The following TBC1D16 variants were observed in gnomAD, a reference collection of about 807,000 sequenced individuals.
TBC1D16 encodes the protein CTD-2529O21.1.
A neutral mutation model predicts 74.7 loss-of-function variants in TBC1D16; 58 were observed. The observed-to-expected ratio is 0.78, with a 90% confidence interval of 0.63 to 0.97. TBC1D16 has a LOEUF of 0.97. Among genes scored for constraint, TBC1D16 ranks in the 50% least tolerant of loss-of-function variants. TBC1D16 has a pLI of 0.00. For synonymous variants in TBC1D16, 493 were observed against 474.7 expected, an observed-to-expected ratio of 1.04 and a Z score of -0.50; for missense variants, 1,014 against 1,079.5, an observed-to-expected ratio of 0.94 and a Z score of 0.85.
chr17:80,013,989 T>C (rs1472873912), intron 1 of TBC1D16, among the ~76,000 whole-genome samples: 4 of 151,806 alleles, frequency 2.6e-5, no homozygotes, highest in Admixed American at 6.6e-5. Flanking sequence ...AACGTTTTTT[T>C]CACAAAAAAA....
chr17:79,952,105 T>C (rs2033087499), intron 4 of TBC1D16: 1 of 155,522 alleles, frequency 6.4e-6, no homozygotes, highest in Non-Finnish European at 1.4e-5. Context: ...AATGTGGCTC[T>C]GGGTCTGGGA....
intron 3 of TBC1D16, among the ~76,000 whole-genome samples, chr17:80,005,321 C>A (rs2035634360): frequency 6.6e-6 from 1 of 152,190 alleles, no homozygotes; most frequent in Non-Finnish European, 1.5e-5. Flanking sequence ...TTATCCAGGT[C>A]ACCAATGCAC....
In TBC1D16 at chr17:79,950,067, C is replaced by A. The variant is rs1254955236; in HGVS notation, c.1258-202G>T. On this transcript the variant is annotated intron_variant, in intron 6 of 11. Coordinates refer to ENST00000310924, the MANE Select transcript of TBC1D16 (RefSeq NM_019020.4). The surrounding 1 kb of genome is among the most constrained non-coding windows in gnomAD (Gnocchi z 4.6). ...CCGGCTCATTTCAATGTCAATGCCC[C>A]CCCTGGGGTGGCGCTCAGATTAACG... Among the ~76,000 whole-genome samples, 5 of 152,216 alleles carry A rather than the reference C, an allele frequency of 3.3e-5. No individual in the cohort carries two copies. The highest frequency in any genetic ancestry group is 1.3e-4 in the Admixed American group (2 of 15,278).
Position 79,971,072 on chromosome 17 carries a change from G to A in TBC1D16, c.780-18254C>T, listed in dbSNP as rs1038367594. Among the ~76,000 whole-genome samples, 12 of 151,816 alleles carry A rather than the reference G, an allele frequency of 7.9e-5. No homozygotes were observed. In the East Asian group the frequency reaches 2.3e-3, roughly 29 times the overall value. ...GAGTCTGTCTCCATTGCCCAGGCTGGAGTGCAGTGGCGCTATCTCGGCTCA... is the reference window on the plus strand; with the variant it reads ...GAGTCTGTCTCCATTGCCCAGGCTGAAGTGCAGTGGCGCTATCTCGGCTCA... On this transcript the variant is annotated intron_variant, in intron 3 of 11. Transcript: ENST00000310924. The surrounding 1 kb of genome is among the most constrained non-coding windows in gnomAD (Gnocchi z 4.6).
intron 10 of TBC1D16, 63 bp from the exon 11 acceptor site, chr17:79,942,269 G>A (rs2032086095): frequency 2.0e-6 from 3 of 1,498,470 alleles, no homozygotes; most frequent in East Asian, 2.5e-5. Flanking sequence ...GCACTCAGGG[G>A]GAAACTGAGT....
At chr17:79,960,891 G>A (rs2362386) in intron 3 of TBC1D16, among the ~76,000 whole-genome samples, 1 of 141,176 alleles carries the variant, frequency 7.1e-6, no homozygotes, top group Non-Finnish European at 1.5e-5. Context: ...GAAGTCAAAT[G>A]ACAGAACCAC....
At position 79,944,983 on chromosome 17, in the gene TBC1D16, G is replaced by A; in HGVS notation, c.1833C>T (p.Leu611=). Residue 611 remains leucine (L), a synonymous_variant, in exon 10 of 12, where the codon CTC becomes CTT. Coordinates refer to ENST00000310924, the MANE Select transcript of TBC1D16 (RefSeq NM_019020.4). This position sits in a 1 kb window ranked among gnomAD's most constrained non-coding sequence, Gnocchi z 7.7. ...GLQMLFCHRW[L]LLCFKREFPE... The stretch of plus-strand genomic sequence containing the variant: ...GGAACTCCCGCTTGAAGCACAGAAG[G>A]AGCCAGCGGTGGCAGAAGAGCATCT... 6.4e-7 allele frequency: 1 copy of A among 1,566,776 alleles called. No homozygotes were observed. The highest frequency in any genetic ancestry group is 1.2e-5 in the South Asian group (1 of 85,160).
In TBC1D16 at chr17:79,975,017, A is replaced by C. The variant is rs933003517; in HGVS notation, c.780-22199T>G. On this transcript the variant is annotated intron_variant, in intron 3 of 11. Coordinates refer to ENST00000310924, the MANE Select transcript of TBC1D16 (RefSeq NM_019020.4). This position sits in a 1 kb window ranked among gnomAD's most constrained non-coding sequence, Gnocchi z 4.5. ...CGCAGCCACTGCGCCCTCTATAGGT[A>C]AGAAGGCCCAAGGAAGAAGCCCTCT... 3.3e-5 allele frequency among the ~76,000 whole-genome samples: 5 copies of C among 152,106 alleles called. No homozygotes were observed. Among genetic ancestry groups the C allele is most frequent in the Non-Finnish European group, 7.4e-5 (5 of 68,008 alleles).
intron 1 of TBC1D16, among the ~76,000 whole-genome samples, chr17:80,024,549 A>ACACAG (rs2036454555): frequency 2.1e-5 from 3 of 140,284 alleles, no homozygotes; most frequent in Admixed American, 7.0e-5. Flanking sequence ...CACCATATAC[A>ACACAG]CACACACCAC....
chr17:79,951,519 G>A lies in TBC1D16; in HGVS notation c.1020C>T (p.Gly340=), dbSNP rs377033034. The change falls in exon 5 of 12, where the codon GGC becomes GGT. Residue 340 remains glycine (G), a synonymous_variant. Transcript: ENST00000310924. ...SQYKVFHFHH[G]GLDKLSDVFQ... ...ACACGTCAGACAGCTTGTCCAGGCC[G>A]CCGTGGTGGAAGTGGAAAACCTTGT... 8.7e-6 allele frequency: 14 copies of A among 1,613,980 alleles called. No individual in the cohort carries two copies. The highest frequency in any genetic ancestry group is 4.0e-5 in the African/African-American group (3 of 74,906).
rs893821845 is a variant in TBC1D16 at position 79,980,114 on chromosome 17, A to G, written c.780-27296T>C. On this transcript the variant is annotated intron_variant, in intron 3 of 11. Transcript: ENST00000310924. This position sits in a 1 kb window ranked among gnomAD's most constrained non-coding sequence, Gnocchi z 7.0. ...TCTGGGCCTCCGAGCCTCCCAGCGC[A>G]TCCCACTGCTCTGCAGAAACAGAAT... 2.0e-5 allele frequency among the ~76,000 whole-genome samples: 3 copies of G among 152,170 alleles called. No individual in the cohort carries two copies. The East Asian group carries it at 5.8e-4, about 29-fold the overall frequency.
intron 7 of TBC1D16, 110 bp from the exon 8 acceptor site, chr17:79,949,116 G>A: frequency 7.5e-6 from 11 of 1,476,404 alleles, no homozygotes; most frequent in Non-Finnish European, 1.0e-5. Flanking sequence ...TTCCCTGGAC[G>A]GGAGCTGGGC....
rs756070071 is a variant in TBC1D16, at chr17:79,948,924, G to A, written c.1489C>T (p.Arg497Trp). 2 of 1,614,138 alleles carry A rather than the reference G, an allele frequency of 1.2e-6. No individual in the cohort carries two copies. Among genetic ancestry groups the A allele is most frequent in the African/African-American group, 1.3e-5 (1 of 75,044 alleles). ...TVDKDVVRTDRNNQFFRGEDN... is the reference protein window; with the variant it reads ...TVDKDVVRTDWNNQFFRGEDN... ...TCCCCCCGGAAGAACTGGTTGTTCC[G>A]ATCTGTCCGGACCACGTCTTTGTCC... Residue 497 changes from arginine to tryptophan, a missense_variant, in exon 8 of 12, where the codon CGG becomes TGG. By Grantham distance (101) the Arg-to-Trp change is moderately radical. Coordinates refer to ENST00000310924, the MANE Select transcript of TBC1D16 (RefSeq NM_019020.4).
intron 10 of TBC1D16, among the ~76,000 whole-genome samples, chr17:79,942,662 T>C (rs2032129142): frequency 1.3e-5 from 2 of 152,180 alleles, no homozygotes; most frequent in African/African-American, 4.8e-5. Flanking sequence ...GGTCATGGAA[T>C]GCGCCTCTGG....
At chr17:79,992,234 T>C (rs1172991362) in intron 3 of TBC1D16, 1 of 152,322 alleles carries the variant, frequency 6.6e-6, no homozygotes, top group Non-Finnish European at 1.5e-5. Context: ...GACCCCACAC[T>C]CCGCTGCTGT....
At chr17:79,999,085 A>G (rs1336906281) in intron 3 of TBC1D16, among the ~76,000 whole-genome samples, 1 of 151,986 alleles carries the variant, frequency 6.6e-6, no homozygotes, top group Non-Finnish European at 1.5e-5. Context: ...GCGAAACCCC[A>G]TCTCTAGTAA....
rs376719016 is a variant in TBC1D16 at position 79,964,725 on chromosome 17, T to C, written c.780-11907A>G. Among the ~76,000 whole-genome samples, 28 of 152,318 alleles carry C rather than the reference T, an allele frequency of 1.8e-4. 2 individuals carry two copies. The East Asian group carries it at 3.5e-3, about 19-fold the overall frequency. ...AGTACTATTGCTAAATTTTCAACCA[T>C]AGGAGAATATTTGAATATATTGTGG... On this transcript the variant is annotated intron_variant, in intron 3 of 11. Transcript: ENST00000310924.
chr17:79,934,926 C>T lies in TBC1D16; in HGVS notation c.*5933G>A, dbSNP rs544754051. Reference sequence around the variant, plus strand: ...GGCGCTTGATGAAGAGCTGGAGCTCCCCGCCCCCCGTGCTCCGGGAGGACC... The same window carrying T: ...GGCGCTTGATGAAGAGCTGGAGCTCTCCGCCCCCCGTGCTCCGGGAGGACC... On this transcript the variant is annotated 3_prime_UTR_variant, in exon 12 of 12. Transcript: ENST00000310924. The T allele has an allele frequency of 6.6e-6, 1 of 152,454 alleles. No individual in the cohort carries two copies. The highest frequency in any genetic ancestry group is 2.1e-4 in the South Asian group (1 of 4,832). 9.4% of individuals were successfully genotyped at this position (152,454 alleles called of 1,614,324 possible).
At position 79,971,031 on chromosome 17, in the gene TBC1D16, AT is replaced by A. The variant is rs142776613; in HGVS notation, c.780-18214del. Among the ~76,000 whole-genome samples, 102 of 111,152 alleles carry A rather than the reference AT, an allele frequency of 9.2e-4. No individual in the cohort carries two copies. The highest frequency in any genetic ancestry group is 3.6e-3 in the South Asian group (10 of 2,782). 72.9% of individuals were successfully genotyped at this position (111,152 alleles called of 152,430 possible). On this transcript the variant is annotated intron_variant, in intron 3 of 11. Coordinates refer to ENST00000310924, the MANE Select transcript of TBC1D16 (RefSeq NM_019020.4). The surrounding 1 kb of genome is among the most constrained non-coding windows in gnomAD (Gnocchi z 4.6). Reference sequence around the variant, plus strand: ...TACACTCCCTGTATTTTTATTTTTTATTTTTTTTTGAGATGGAGTCTGTCTC... The same window carrying A: ...TACACTCCCTGTATTTTTATTTTTTATTTTTTTTGAGATGGAGTCTGTCTC...
Sources: allele counts gnomAD v4.1 joint callset (sites outside exome capture counted in the v4.1 genomes callset), GRCh38; gene constraint gnomAD v4.1.1; non-coding constraint Gnocchi (gnomAD v3.1); transcripts MANE v1.5; gene names NCBI Gene and HGNC (gene_info 2026-07-23, HGNC 2026-07-21).